MBD1: variants seen among roughly 807,000 people sequenced by gnomAD.
MBD1 encodes the protein methyl-CpG binding domain protein 1, also known as methyl-CpG-binding domain protein 1.
Under a neutral mutation model 82.6 loss-of-function variants are expected in MBD1, and 25 were observed. The ratio of observed to expected loss-of-function variants is 0.30; its 90% confidence interval spans 0.22 to 0.42. The LOEUF (loss-of-function observed/expected upper bound fraction) is 0.42. Ranked by LOEUF, MBD1 falls within the 10% of genes least tolerant of loss-of-function variation. The pLI, the probability that MBD1 is intolerant of heterozygous loss-of-function variation, is 1.00. For missense variants in MBD1, 627 were observed against 819.6 expected, an observed-to-expected ratio of 0.76 and a Z score of 2.87; for synonymous variants, 301 against 303.7, an observed-to-expected ratio of 0.99 and a Z score of 0.09.
chr18:50,272,702 G>A lies in MBD1; in HGVS notation c.1753C>T (p.Arg585Ter), dbSNP rs539780746. Residue 585 changes from arginine (R) to a stop codon, truncating the protein, a stop_gained, in exon 15 of 17, where the codon CGA becomes TGA. Coordinates refer to ENST00000269468, the MANE Select transcript of MBD1 (RefSeq NM_015846.4). LOFTEE classifies it high-confidence loss of function. ...CTTGGCAACCAGACTGCTGTATCTCGGAAGCGGGTTCCACCCAGGCTGAAA... is the reference window on the plus strand; with the variant it reads ...CTTGGCAACCAGACTGCTGTATCTCAGAAGCGGGTTCCACCCAGGCTGAAA... The part of the protein sequence containing the change: ...EIFSLGGTRF[R>*]DTAVWLPRSK... 5 of 1,614,018 alleles carry A rather than the reference G, an allele frequency of 3.1e-6. No homozygotes were observed. The highest frequency in any genetic ancestry group is 4.2e-6 in the Non-Finnish European group (5 of 1,180,018).
chr18:50,273,900 T>C, intron 11 of MBD1, 37 bp from the exon 12 acceptor site: 1 of 1,605,846 alleles, frequency 6.2e-7, no homozygotes, highest in South Asian at 1.1e-5. Flanking sequence ...CTACCTGGTG[T>C]CCTGACCAAT....
chr18:50,274,893 A>G (rs1364952278), intron 10 of MBD1, 84 bp downstream of exon 10: 1 of 1,394,508 alleles, frequency 7.2e-7, no homozygotes, highest in East Asian at 2.3e-5. Flanking sequence ...GTTCCCCAAT[A>G]GGCTCATTCC....
At chr18:50,281,304 CA>C (rs916200686) in intron 1 of MBD1, 58 bp downstream of exon 1, 70 of 1,324,110 alleles carry the variant, frequency 5.3e-5, no homozygotes, top group Non-Finnish European at 7.1e-5. Flanking sequence ...TTCTGAGCCA[CA>C]ATTCCTTCCC....
intron 1 of MBD1, chr18:50,281,037 C>T: frequency 1.1e-6 from 1 of 898,710 alleles, no homozygotes; most frequent in South Asian, 1.4e-5. Context: ...GAGGGCCCCT[C>T]ATTTCTCCCT....
rs373370638 is a variant in MBD1 at position 50,269,599 on chromosome 18, G to A, written c.*252C>T. On this transcript the variant is annotated 3_prime_UTR_variant, in exon 17 of 17. Coordinates refer to ENST00000269468, the MANE Select transcript of MBD1 (RefSeq NM_015846.4). ...CACCTTCCCCAGGATCATCCTTTCA[G>A]CTTCTCTAATTCCTGGGCCAGATGC... The A allele has an allele frequency of 4.9e-4, 353 of 719,134 alleles. 2 individuals carry two copies. In the East Asian group the frequency reaches 7.6e-3, roughly 15 times the overall value. 44.5% of individuals were successfully genotyped at this position (719,134 alleles called of 1,614,324 possible).
At chr18:50,276,250 C>T in intron 6 of MBD1, 128 bp downstream of exon 6, 1 of 991,194 alleles carries the variant, frequency 1.0e-6, no homozygotes, top group Non-Finnish European at 1.6e-6. Flanking sequence ...TGTCTGCTGA[C>T]CTATGGAGAG....
At chr18:50,271,563 G>C in intron 15 of MBD1, 23 bp from the exon 16 acceptor site, 1 of 1,614,170 alleles carries the variant, frequency 6.2e-7, no homozygotes, top group Non-Finnish European at 8.5e-7. Flanking sequence ...GAGCAGGTCT[G>C]TATGTTGAAT....
Position 50,275,890 on chromosome 18 carries a change from G to A in MBD1, c.608C>T (p.Ala203Val). 6.2e-7 allele frequency: 1 copy of A among 1,614,164 alleles called. No homozygotes were observed. Among genetic ancestry groups the A allele is most frequent in the African/African-American group, 1.3e-5 (1 of 75,048 alleles). Reference protein sequence around the residue: ...TCLLQLPHDVASGLFCKCERR... With the variant: ...TCLLQLPHDVVSGLFCKCERR... ...TTCACACTTGCAGAACAGCCCCGAT[G>A]CCACATCATGGGGCAGCTGCAGGAG... Residue 203 changes from alanine to valine, a missense_variant, in exon 7 of 17, where the codon GCA becomes GTA. Coordinates refer to ENST00000269468, the MANE Select transcript of MBD1 (RefSeq NM_015846.4).
chr18:50,276,443 A>C (rs772224681), intron 5 of MBD1, 25 bp from the exon 6 acceptor site: 2 of 1,613,088 alleles, frequency 1.2e-6, no homozygotes, highest in South Asian at 1.1e-5. Context: ...AGGGAAGAAG[A>C]AAAGTGGAAA....
At chr18:50,267,255 T>G (rs2034036485), downstream of MBD1, 1 of 270,960 alleles carries the variant, frequency 3.7e-6, no homozygotes, top group Non-Finnish European at 7.2e-6. Context: ...TCTTACAGGG[T>G]TGATAGAATA....
chr18:50,276,151 G>T (rs2037794298), intron 6 of MBD1, 170 bp from the exon 7 acceptor site: 2 of 883,176 alleles, frequency 2.3e-6, no homozygotes, highest in Non-Finnish European at 3.6e-6. Context: ...CCATTAGTAT[G>T]TCTACTGGTC....
At chr18:50,267,527 G>C, downstream of MBD1, 1 of 1,107,936 alleles carries the variant, frequency 9.0e-7, no homozygotes, top group East Asian at 2.6e-5. Flanking sequence ...TCAGGATGTG[G>C]ATCAGAAGTC....
At chr18:50,267,366 C>T (rs1336875531), downstream of MBD1, 1 of 509,094 alleles carries the variant, frequency 2.0e-6, no homozygotes, top group Non-Finnish European at 3.5e-6. Context: ...TTTTTAAAAC[C>T]TGTTAATAAA....
rs777128335 is a variant in MBD1, at chr18:50,276,618, C to T, written c.475+44G>A. ...AGCCTAGCATGACACTGGACCTGCT[C>T]CAGCTCCTATCTCCCGATGCCCCAT... On this transcript the variant is annotated intron_variant, in intron 5 of 16. Coordinates refer to ENST00000269468, the MANE Select transcript of MBD1 (RefSeq NM_015846.4). 71 of 1,598,442 alleles carry T rather than the reference C, an allele frequency of 4.4e-5. 1 individual carries two copies. The Middle Eastern group carries it at 4.9e-4, about 11-fold the overall frequency.
At chr18:50,275,504 G>A in intron 8 of MBD1, 96 bp downstream of exon 8, 1 of 1,605,670 alleles carries the variant, frequency 6.2e-7, no homozygotes, top group Non-Finnish European at 8.5e-7. Context: ...AGGCAGAAAA[G>A]AAAGACATGA....
intron 8 of MBD1, 51 bp from the exon 9 acceptor site, chr18:50,275,296 C>T (rs1455336293): frequency 3.1e-6 from 5 of 1,611,176 alleles, no homozygotes; most frequent in African/African-American, 1.3e-5. Context: ...CAGGCAGACA[C>T]AGAAACTCCC....
intron 10 of MBD1, 144 bp from the exon 11 acceptor site, chr18:50,274,497 C>G: frequency 1.2e-6 from 1 of 838,468 alleles, no homozygotes; most frequent in East Asian, 2.7e-5. Flanking sequence ...TGACTCCCCA[C>G]TAGTCACTCC....
chr18:50,273,654 A>C lies in MBD1; in HGVS notation c.1356T>G (p.Pro452=). The C allele has an allele frequency of 6.2e-7, 1 of 1,614,020 alleles. No homozygotes were observed. Among genetic ancestry groups the C allele is most frequent in the African/African-American group, 1.3e-5 (1 of 75,074 alleles). Residue 452 remains proline (P), a synonymous_variant, in exon 12 of 17, where the codon CCT becomes CCG. Coordinates refer to ENST00000269468, the MANE Select transcript of MBD1 (RefSeq NM_015846.4). Reference sequence around the variant, plus strand: ...CCCGTAAAAACACAAGGTCAGTGCCAGGCGGGGGCAGCACAAAGCCACCAC... The same window carrying C: ...CCCGTAAAAACACAAGGTCAGTGCCCGGCGGGGGCAGCACAAAGCCACCAC... The part of the protein sequence containing the change: ...EAGGGFVLPP[P]GTDLVFLREG...
chr18:50,272,957 T>C lies in MBD1; in HGVS notation c.1585-2A>G. ...AGAAGGCAGGCCTGGGTCTACTGCC[T>C]GGGAGAAGTAGGAAACAGGCAACCA... On this transcript the variant is annotated splice_acceptor_variant, in intron 13 of 16. Transcript: ENST00000269468. LOFTEE classifies it high-confidence loss of function. 6.2e-7 allele frequency: 1 copy of C among 1,614,092 alleles called. No homozygotes were observed.
Sources: gnomAD v4.1 joint callset for allele counts on GRCh38, gnomAD v4.1.1 for gene constraint, MANE v1.5 for transcripts, NCBI Gene and HGNC (gene_info 2026-07-23, HGNC 2026-07-21) for gene names.